Variants in BAIAP2 observed in about 807,000 individuals in gnomAD.
The protein encoded by BAIAP2 is BAR/IMD domain containing adaptor protein 2.
In BAIAP2, 18 loss-of-function variants were observed where a neutral mutation model predicts 63.0. That is an observed-to-expected ratio of 0.29 (90% CI 0.20 to 0.42). The LOEUF (loss-of-function observed/expected upper bound fraction) is 0.42. Ranked by LOEUF, BAIAP2 falls within the 10% of genes least tolerant of loss-of-function variation. BAIAP2 has a pLI of 1.00. For missense variants in BAIAP2, 610 were observed against 734.3 expected, an observed-to-expected ratio of 0.83 and a Z score of 1.96; for synonymous variants, 386 against 307.6, an observed-to-expected ratio of 1.25 and a Z score of -2.67.
chr17:81,071,284 G>C (rs1177886480), intron 3 of BAIAP2, among the ~76,000 whole-genome samples: 1 of 152,152 alleles, frequency 6.6e-6, no homozygotes, highest in Admixed American at 6.5e-5. Context: ...CACTGGATCT[G>C]GTCCCCTGGC....
Position 81,113,903 on chromosome 17 carries a change from G to A in BAIAP2, c.1536-1867G>A, listed in dbSNP as rs2060200210. ...GGGCAGGAGTGAGAACCACGCGGCT[G>A]CACTGCCCTCGGCTGTGGTCTGGGC... is the stretch of plus-strand genomic sequence containing the variant. On this transcript the variant is annotated intron_variant, in intron 13 of 13. Transcript: ENST00000428708. 2.0e-5 allele frequency among the ~76,000 whole-genome samples: 3 copies of A among 151,708 alleles called. 1 individual carries two copies. Among genetic ancestry groups the A allele is most frequent in the South Asian group, 4.2e-4 (2 of 4,788 alleles).
intron 1 of BAIAP2, among the ~76,000 whole-genome samples, chr17:81,039,377 G>C (rs1052489284): frequency 3.9e-5 from 6 of 152,224 alleles, no homozygotes; most frequent in African/African-American, 1.2e-4. Context: ...GCTCCAGGTG[G>C]CGTCCAGCGT....
chr17:81,050,949 C>T (rs1258606036), intron 1 of BAIAP2, among the ~76,000 whole-genome samples: 1 of 151,906 alleles, frequency 6.6e-6, no homozygotes, highest in Non-Finnish European at 1.5e-5. Context: ...TCTGCATGGT[C>T]AGTTTGAACC....
intron 4 of BAIAP2, chr17:81,085,123 G>C: frequency 1.7e-6 from 1 of 585,352 alleles, no homozygotes; most frequent in Non-Finnish European, 3.1e-6. Context: ...TGGCAGCCAT[G>C]ACACGCTGGG....
chr17:81,045,990 T>TG (rs977210322), intron 1 of BAIAP2, among the ~76,000 whole-genome samples: 10 of 152,164 alleles, frequency 6.6e-5, no homozygotes, highest in South Asian at 6.2e-4. Flanking sequence ...TCTCATGGCC[T>TG]GGGGGGGCTC....
intron 1 of BAIAP2, among the ~76,000 whole-genome samples, chr17:81,040,126 G>A (rs1281108343): frequency 1.3e-5 from 2 of 152,226 alleles, no homozygotes; most frequent in Non-Finnish European, 2.9e-5. Context: ...GAGGCGGGGT[G>A]CCACTGACTG....
intron 5 of BAIAP2, 117 bp downstream of exon 5, chr17:81,085,842 A>T: frequency 1.3e-6 from 1 of 769,138 alleles, no homozygotes; most frequent in Non-Finnish European, 2.2e-6. Context: ...CCCCGTCCAC[A>T]TGGGCCCCAG....
intron 6 of BAIAP2, among the ~76,000 whole-genome samples, chr17:81,097,258 A>G (rs930298185): frequency 1.1e-4 from 17 of 152,178 alleles, no homozygotes; most frequent in Admixed American, 7.8e-4. Context: ...GTGGGCTGCA[A>G]GGGCAGGGGA....
chr17:81,089,649 G>C (rs1270332911), intron 6 of BAIAP2, among the ~76,000 whole-genome samples: 1 of 152,194 alleles, frequency 6.6e-6, no homozygotes, highest in Non-Finnish European at 1.5e-5. Context: ...GGAGAGGGAG[G>C]GGGTCGTGGC....
Position 81,116,265 on chromosome 17 carries a change from A to G in BAIAP2, c.*426A>G. 6.2e-7 allele frequency: 1 copy of G among 1,612,866 alleles called. No homozygotes were observed. The highest frequency in any genetic ancestry group is 1.1e-5 in the South Asian group (1 of 91,086). On this transcript the variant is annotated 3_prime_UTR_variant, in exon 14 of 14. Transcript: ENST00000428708. The stretch of plus-strand genomic sequence containing the variant: ...TCCGCCCAAGGGCCAGAAGGCCGGG[A>G]GCACGGGGATGGGAGCGCCCGCACC...
chr17:81,061,616 G>A (rs182874055), intron 3 of BAIAP2, among the ~76,000 whole-genome samples: 10 of 152,286 alleles, frequency 6.6e-5, no homozygotes, highest in Admixed American at 1.3e-4. Context: ...GTTGCATTTC[G>A]TCGCTTGCAG....
chr17:81,082,665 C>G (rs138907340), intron 3 of BAIAP2, among the ~76,000 whole-genome samples: 2 of 152,228 alleles, frequency 1.3e-5, no homozygotes, highest in Non-Finnish European at 2.9e-5. Context: ...TCTTCTCCCT[C>G]CACAGAAATC....
chr17:81,088,941 C>CCACGCAGTCACTGTGGCCCT (rs1370971775), intron 6 of BAIAP2, among the ~76,000 whole-genome samples: 6 of 152,244 alleles, frequency 3.9e-5, no homozygotes, highest in African/African-American at 1.4e-4. Flanking sequence ...CCTGAGGCCC[C>CCACGCAGTCACTGTGGCCCT]CACGCAGTCA....
chr17:81,049,883 C>T (rs1439357701), intron 1 of BAIAP2, among the ~76,000 whole-genome samples: 2 of 152,230 alleles, frequency 1.3e-5, no homozygotes, highest in Non-Finnish European at 2.9e-5. Context: ...GTGGGCTCTC[C>T]TCAGGCTGGG....
At chr17:81,071,970 G>A (rs1201726925) in intron 3 of BAIAP2, among the ~76,000 whole-genome samples, 5 of 152,316 alleles carry the variant, frequency 3.3e-5, no homozygotes, top group Admixed American at 2.6e-4. Flanking sequence ...CCTCTCGTCC[G>A]TGATCATCCC....
In BAIAP2 at chr17:81,057,887, C is replaced by T. The variant is rs749901447; in HGVS notation, c.137C>T (p.Thr46Met). The T allele has an allele frequency of 5.0e-6, 8 of 1,605,134 alleles. No homozygotes were observed. Among genetic ancestry groups the T allele is most frequent in the East Asian group, 2.2e-5 (1 of 44,512 alleles). The part of the protein sequence containing the change: ...KNYEKALAGV[T>M]YAAKGYFDAL... ...CCCTTTTCTTCTCTCTCAGGTGTGACGTATGCAGCCAAAGGCTACTTTGAC... is the reference window on the plus strand; with the variant it reads ...CCCTTTTCTTCTCTCTCAGGTGTGATGTATGCAGCCAAAGGCTACTTTGAC... Residue 46 changes from threonine to methionine, a missense_variant, in exon 3 of 14, where the codon ACG becomes ATG. Thr to Met is a moderately conservative substitution (Grantham distance 81). Transcript: ENST00000428708.
chr17:81,081,553 C>T (rs993429369), intron 3 of BAIAP2, among the ~76,000 whole-genome samples: 6 of 152,156 alleles, frequency 3.9e-5, no homozygotes, highest in African/African-American at 4.8e-5. Context: ...CCCTGGGCAG[C>T]GCCTGCTCAC....
At chr17:81,067,329 C>G (rs1161697073) in intron 3 of BAIAP2, among the ~76,000 whole-genome samples, 2 of 152,242 alleles carry the variant, frequency 1.3e-5, no homozygotes, top group Admixed American at 1.3e-4. Flanking sequence ...TTCGCAGAGG[C>G]GCGTGCTCCT....
In BAIAP2 at chr17:81,116,739, T is replaced by C. The variant is rs189350911; in HGVS notation, c.*900T>C. ...TTAGCAGATTTGTGCTCTTCCATAC[T>C]GTTTGTTTGTTTGTTAGGTGAAATA... On this transcript the variant is annotated 3_prime_UTR_variant, in exon 14 of 14. Transcript: ENST00000428708. 1 of 191,042 alleles carries C rather than the reference T, an allele frequency of 5.2e-6. No individual in the cohort carries two copies. Among genetic ancestry groups the C allele is most frequent in the Admixed American group, 5.4e-5 (1 of 18,654 alleles). The allele number at this position is 191,042 out of a possible 1,614,324, so 11.8% of individuals were successfully genotyped here.
Sources: allele counts gnomAD v4.1 joint callset (sites outside exome capture counted in the v4.1 genomes callset), GRCh38; gene constraint gnomAD v4.1.1; transcripts MANE v1.5; gene names NCBI Gene and HGNC (gene_info 2026-07-23, HGNC 2026-07-21).